Variants in RBFOX1 observed in about 807,000 individuals in gnomAD.
RBFOX1 encodes RNA binding protein fox-1 homolog 1.
Under a neutral mutation model 57.7 loss-of-function variants are expected in RBFOX1, and 8 were observed. The ratio of observed to expected loss-of-function variants is 0.14; its 90% confidence interval spans 0.08 to 0.25. RBFOX1 has a LOEUF of 0.25. Among genes scored for constraint, RBFOX1 ranks in the 10% least tolerant of loss-of-function variants. RBFOX1 has a pLI of 1.00. For synonymous variants in RBFOX1, 326 were observed against 222.4 expected (o/e 1.47, Z -4.15); for missense variants, 611 against 548.5 (o/e 1.11, Z -1.14).
At chr16:7,219,025 A>C (rs1011873482) in intron 4 of RBFOX1, among the ~76,000 whole-genome samples, 2 of 152,278 alleles carry the variant, frequency 1.3e-5, no homozygotes, top group Admixed American at 1.3e-4. Context: ...AGAGGTGAGA[A>C]GGGCTCGGAG....
At chr16:6,125,956 G>A (rs1461901684) in intron 1 of RBFOX1, among the ~76,000 whole-genome samples, 2 of 152,144 alleles carry the variant, frequency 1.3e-5, no homozygotes, top group African/African-American at 4.8e-5. Flanking sequence ...AAGCTATAAG[G>A]AATGGGGGGA....
intron 2 of RBFOX1, among the ~76,000 whole-genome samples, chr16:6,499,428 T>C (rs2095856714): frequency 6.6e-6 from 1 of 152,080 alleles, no homozygotes; most frequent in Admixed American, 6.6e-5. Flanking sequence ...GTAGTATGTG[T>C]TTTTATCCCA....
intron 2 of RBFOX1, among the ~76,000 whole-genome samples, chr16:5,478,331 G>A (rs1053454743): frequency 2.0e-5 from 3 of 152,072 alleles, no homozygotes; most frequent in African/African-American, 7.2e-5. Context: ...CTGAGCATGG[G>A]GATTTGTGCT....
At chr16:6,246,188 G>A (rs12445734) in intron 1 of RBFOX1, among the ~76,000 whole-genome samples, 1 of 151,920 alleles carries the variant, frequency 6.6e-6, no homozygotes, top group African/African-American at 2.4e-5. Flanking sequence ...TGCATGACTC[G>A]TGAAGTAAGG....
intron 1 of RBFOX1, among the ~76,000 whole-genome samples, chr16:5,451,689 T>A (rs1488554591): frequency 6.6e-6 from 1 of 152,208 alleles, no homozygotes; most frequent in Non-Finnish European, 1.5e-5. Context: ...AGAGACATCG[T>A]CCCTGGTTTT....
chr16:5,923,796 C>G (rs2058885022), intron 4 of RBFOX1, among the ~76,000 whole-genome samples: 1 of 152,034 alleles, frequency 6.6e-6, no homozygotes, highest in South Asian at 2.1e-4. Flanking sequence ...CTACCTCAGC[C>G]TCCCAAAGTG....
intron 3 of RBFOX1, among the ~76,000 whole-genome samples, chr16:6,689,402 T>C (rs1356866853): frequency 6.6e-6 from 1 of 152,216 alleles, no homozygotes; most frequent in South Asian, 2.1e-4. Flanking sequence ...ATGTGGGCAA[T>C]AGATAATACT....
chr16:5,778,691 A>G (rs1269675767), intron 3 of RBFOX1, among the ~76,000 whole-genome samples: 1 of 152,054 alleles, frequency 6.6e-6, no homozygotes, highest in East Asian at 1.9e-4. Flanking sequence ...ATCTCATACT[A>G]TTTAGGGTGG....
chr16:6,474,316 A>T (rs189658015), intron 2 of RBFOX1, among the ~76,000 whole-genome samples: 1 of 152,268 alleles, frequency 6.6e-6, no homozygotes, highest in African/African-American at 2.4e-5. Flanking sequence ...AGGACCCTTT[A>T]ATCATATCCC....
intron 4 of RBFOX1, among the ~76,000 whole-genome samples, chr16:5,965,016 GT>G (rs1363435374): frequency 6.6e-6 from 1 of 152,082 alleles, no homozygotes; most frequent in African/African-American, 2.4e-5. Context: ...ATTATGCTAG[GT>G]GAAGTAAGCC....
chr16:5,700,904 G>T (rs550717122), intron 3 of RBFOX1, among the ~76,000 whole-genome samples: 2 of 152,274 alleles, frequency 1.3e-5, no homozygotes, highest in South Asian at 4.1e-4. Flanking sequence ...AGCATGCTGT[G>T]GTGTCACCCA....
At chr16:6,985,943 G>T (rs1224638987) in intron 3 of RBFOX1, among the ~76,000 whole-genome samples, 3 of 150,284 alleles carry the variant, frequency 2.0e-5, no homozygotes, top group Admixed American at 2.0e-4. Context: ...AAATCTCCAT[G>T]GAGTGATATA....
chr16:5,447,689 C>T (rs2068291618), intron 1 of RBFOX1, among the ~76,000 whole-genome samples: 2 of 152,236 alleles, frequency 1.3e-5, no homozygotes, highest in Non-Finnish European at 2.9e-5. Context: ...AGCCACCGTG[C>T]CCGGCTGCCA....
chr16:5,952,588 A>G (rs575609631), intron 4 of RBFOX1, among the ~76,000 whole-genome samples: 29 of 152,282 alleles, frequency 1.9e-4, no homozygotes, highest in African/African-American at 6.0e-4. Flanking sequence ...TGCCCAGCCT[A>G]TGTATATATT....
chr16:5,984,432 A>G (rs2060241187), intron 4 of RBFOX1, among the ~76,000 whole-genome samples: 1 of 151,808 alleles, frequency 6.6e-6, no homozygotes, highest in African/African-American at 2.4e-5. Context: ...GAACGCATCA[A>G]TTAATTTACC....
intron 11 of RBFOX1, among the ~76,000 whole-genome samples, chr16:7,632,263 C>G (rs1232343728): frequency 6.6e-6 from 1 of 152,196 alleles, no homozygotes; most frequent in East Asian, 1.9e-4. Context: ...AGACATTTTT[C>G]TGTGCCTCCC....
intron 1 of RBFOX1, among the ~76,000 whole-genome samples, chr16:5,432,443 C>A (rs558754668): frequency 9.2e-5 from 14 of 152,098 alleles, no homozygotes; most frequent in African/African-American, 3.1e-4. Flanking sequence ...CCGTCATTAT[C>A]CCTTGTCTAT....
chr16:6,542,576 G>A (rs1005436909), intron 2 of RBFOX1, among the ~76,000 whole-genome samples: 3 of 135,792 alleles, frequency 2.2e-5, no homozygotes, highest in Admixed American at 8.4e-5. Context: ...TGCAAGCTCC[G>A]CCTCCTGGGT....
chr16:5,515,111 C>G (rs1443914329), intron 2 of RBFOX1, among the ~76,000 whole-genome samples: 1 of 152,216 alleles, frequency 6.6e-6, no homozygotes, highest in East Asian at 1.9e-4. Context: ...GAGAGGGCAA[C>G]AAGTCATCCA....
Sources: allele counts gnomAD v4.1 joint callset (sites outside exome capture counted in the v4.1 genomes callset), GRCh38; gene constraint gnomAD v4.1.1; transcripts MANE v1.5; gene names NCBI Gene and HGNC (gene_info 2026-07-23, HGNC 2026-07-21).